Variants in NPVF observed in about 807,000 individuals in gnomAD.
NPVF encodes neuropeptide VF precursor, also known as pro-FMRFamide-related neuropeptide VF.
In NPVF, 17 loss-of-function variants were observed where a neutral mutation model predicts 15.7. That is an observed-to-expected ratio of 1.08 (90% confidence interval 0.74 to 1.62). The LOEUF (loss-of-function observed/expected upper bound fraction) is 1.62, where lower values mean the gene tolerates loss of function less well. Ranked by LOEUF, NPVF falls within the 40% of genes most tolerant of loss-of-function variation. The probability of loss-of-function intolerance (pLI) is 0.00; values close to 1 mark genes in which losing one functional copy is unlikely to be tolerated. For synonymous variants in NPVF, 70 were observed against 80.1 expected, an observed-to-expected ratio of 0.87 and a Z score of 0.67; for missense variants, 270 against 225.2, an observed-to-expected ratio of 1.20 and a Z score of -1.27.
intron 2 of NPVF, among the ~76,000 whole-genome samples, 170 bp from the exon 3 acceptor site, chr7:25,225,343 G>A (rs2115497003): frequency 6.6e-6 from 1 of 152,276 alleles, no homozygotes; most frequent in Non-Finnish European, 1.5e-5. Flanking sequence ...TGGGCACTCA[G>A]TCCCAAACAC....
rs771514914 is a variant in NPVF, at chr7:25,226,849, C to G, written c.316G>C (p.Ala106Pro). ...CTTCCAGATCTCAGAGGCAGGTTGG[C>G]TGTTGCTCCAGCACTTCTTTCTTCT... ...VQEERSAGAT[A>P]NLPLRSGRNM... Residue 106 changes from alanine to proline, a missense_variant, in exon 2 of 3, where the codon GCC becomes CCC. Ala to Pro is a conservative substitution (Grantham distance 27). Transcript: ENST00000222674. The G allele has an allele frequency of 1.2e-6, 2 of 1,614,216 alleles. No individual in the cohort carries two copies. Among genetic ancestry groups the G allele is most frequent in the Non-Finnish European group, 1.7e-6 (2 of 1,180,038 alleles).
In NPVF at chr7:25,224,821, A is replaced by C; in HGVS notation, c.*301T>G. 3.3e-6 allele frequency: 1 copy of C among 301,572 alleles called. No homozygotes were observed. Among genetic ancestry groups the C allele is most frequent in the Non-Finnish European group, 6.0e-6 (1 of 166,762 alleles). The allele number at this position is 301,572 out of a possible 1,614,324, so 18.7% of individuals were successfully genotyped here. ...TTTTTTTATTAAGTGTAACTGTGCC[A>C]ATGATTTTTATATAGGGTAGTGAGG... On this transcript the variant is annotated 3_prime_UTR_variant, in exon 3 of 3. Coordinates refer to ENST00000222674, the MANE Select transcript of NPVF (RefSeq NM_022150.3).
intron 1 of NPVF, 37 bp downstream of exon 1, chr7:25,228,265 T>C (rs780779624): frequency 1.6e-6 from 2 of 1,275,696 alleles, no homozygotes; most frequent in Non-Finnish European, 2.3e-6. Context: ...ATTATGTAAT[T>C]AATGCTACTC....
At chr7:25,226,068 A>T (rs1783124332) in intron 2 of NPVF, among the ~76,000 whole-genome samples, 1 of 152,216 alleles carries the variant, frequency 6.6e-6, no homozygotes, top group South Asian at 2.1e-4. Flanking sequence ...GCTCTCTACT[A>T]TAAAAGAACA....
intron 2 of NPVF, among the ~76,000 whole-genome samples, chr7:25,225,535 C>G (rs1227486999): frequency 6.6e-6 from 1 of 152,234 alleles, no homozygotes; most frequent in Admixed American, 6.5e-5. Flanking sequence ...TCTGCTCTTA[C>G]TCTAACGGTC....
At chr7:25,226,468 A>G (rs528365440) in intron 2 of NPVF, among the ~76,000 whole-genome samples, 158 bp downstream of exon 2, 2 of 152,274 alleles carry the variant, frequency 1.3e-5, no homozygotes, top group East Asian at 3.9e-4. Flanking sequence ...ATAGTTCCCA[A>G]TTTACAGGTA....
intron 2 of NPVF, 44 bp from the exon 3 acceptor site, chr7:25,225,217 C>T: frequency 2.0e-6 from 3 of 1,486,830 alleles, no homozygotes; most frequent in Non-Finnish European, 1.9e-6. Context: ...ATCAGAACAA[C>T]AGCATGCAAG....
chr7:25,225,316 G>T, intron 2 of NPVF, 143 bp from the exon 3 acceptor site: 2 of 657,250 alleles, frequency 3.0e-6, no homozygotes, highest in Non-Finnish European at 2.6e-6. Context: ...GATATTGGGG[G>T]GATGCTGAAT....
In NPVF at chr7:25,226,802, C is replaced by T. The variant is rs1783136123; in HGVS notation, c.363G>A (p.Val121=). Residue 121 remains valine (V), a synonymous_variant, in exon 2 of 3, where the codon GTG becomes GTA. Transcript: ENST00000222674. ...TTTGGGGCAGGTTAGGAACACGTCT[C>T]ACGAGGCTCACCTCCATATTTCTTC... ...RSGRNMEVSL[V]RRVPNLPQRF... 6.2e-7 allele frequency: 1 copy of T among 1,614,028 alleles called. No individual in the cohort carries two copies. Among genetic ancestry groups the T allele is most frequent in the South Asian group, 1.1e-5 (1 of 91,082 alleles).
chr7:25,228,027 C>T (rs1323921957), intron 1 of NPVF, among the ~76,000 whole-genome samples: 3 of 152,184 alleles, frequency 2.0e-5, no homozygotes, highest in African/African-American at 7.2e-5. Context: ...CCATTTATTA[C>T]AAATATGCAC....
At chr7:25,226,557 C>A in intron 2 of NPVF, 69 bp downstream of exon 2, 2 of 1,506,876 alleles carry the variant, frequency 1.3e-6, no homozygotes, top group African/African-American at 1.4e-5. Context: ...AAGATGTAGT[C>A]ATTTTTAAAG....
chr7:25,226,429 T>C (rs1783129706), intron 2 of NPVF, among the ~76,000 whole-genome samples, 197 bp downstream of exon 2: 1 of 152,358 alleles, frequency 6.6e-6, no homozygotes, highest in South Asian at 2.1e-4. Context: ...TTTTATACCT[T>C]GAGCCATGCT....
chr7:25,226,573 A>G (rs1783131421), intron 2 of NPVF, 53 bp downstream of exon 2: 5 of 1,556,026 alleles, frequency 3.2e-6, no homozygotes, highest in Non-Finnish European at 3.5e-6. Context: ...TAAAGTTTCT[A>G]GACCACCTCT....
rs374010382 is a variant in NPVF at position 25,228,448 on chromosome 7, A to G, written c.-9T>C. On this transcript the variant is annotated 5_prime_UTR_variant, in exon 1 of 3. Transcript: ENST00000222674. The stretch of plus-strand genomic sequence containing the variant: ...GATGAAATAATTTCCATTTTGTCTA[A>G]ATCTAAAATTAAGTCTCTATGTGCA... The G allele has an allele frequency of 2.3e-5, 37 of 1,577,688 alleles. No homozygotes were observed. Among genetic ancestry groups the G allele is most frequent in the Non-Finnish European group, 9.5e-6 (11 of 1,153,160 alleles).
rs377193023 is a variant in NPVF at position 25,226,244 on chromosome 7, G to T, written c.539+382C>A. Among the ~76,000 whole-genome samples the T allele has an allele frequency of 8.5e-5, 13 of 152,296 alleles. No homozygotes were observed. The South Asian group carries it at 1.7e-3, about 19-fold the overall frequency. ...AGGAAAGAAAACCTGCTGCATTTGA[G>T]ACCTAGATTATTGAGATGGGGTCCT... On this transcript the variant is annotated intron_variant, in intron 2 of 2. Transcript: ENST00000222674.
At chr7:25,227,139 CAA>C (rs1783141159) in intron 1 of NPVF, 113 bp from the exon 2 acceptor site, 1 of 995,128 alleles carries the variant, frequency 1.0e-6, no homozygotes, top group Non-Finnish European at 1.5e-6. Flanking sequence ...AAGCTATAAA[CAA>C]AGTTTGTGTT....
In NPVF at chr7:25,226,957, C is replaced by A; in HGVS notation, c.208G>T (p.Val70Phe). Residue 70 changes from valine (V) to phenylalanine (F), a missense_variant, in exon 2 of 3, where the codon GTT becomes TTT. By Grantham distance (50) the Val-to-Phe change is conservative. Coordinates refer to ENST00000222674, the MANE Select transcript of NPVF (RefSeq NM_022150.3). ...ACTGCAGGTGTACTCATCTTAATAA[C>A]ATTTTTTGGTCCCCAATCTTTTAAT... Reference protein sequence around the residue: ...EELKDWGPKNVIKMSTPAVNK... With the variant: ...EELKDWGPKNFIKMSTPAVNK... 6.2e-7 allele frequency: 1 copy of A among 1,610,452 alleles called. No individual in the cohort carries two copies. The highest frequency in any genetic ancestry group is 1.1e-5 in the South Asian group (1 of 90,632).
chr7:25,226,147 A>T (rs1783125338), intron 2 of NPVF, among the ~76,000 whole-genome samples: 1 of 152,230 alleles, frequency 6.6e-6, no homozygotes, highest in Non-Finnish European at 1.5e-5. Flanking sequence ...CATATTTCTT[A>T]ATATAAATAA....
At position 25,228,191 on chromosome 7, in the gene NPVF, A is replaced by G. The variant is rs138659241; in HGVS notation, c.138+111T>C. The G allele has an allele frequency of 2.5e-4, 195 of 787,800 alleles. No individual in the cohort carries two copies. The East Asian group carries it at 4.8e-3, about 19-fold the overall frequency. 48.8% of individuals were successfully genotyped at this position (787,800 alleles called of 1,614,324 possible). On this transcript the variant is annotated intron_variant, in intron 1 of 2. Transcript: ENST00000222674. ...GTCAGAGGAAGGCTGAAATTTCACA[A>G]AAAAACAGAGTACACACCAACTTAC...
Sources: allele counts gnomAD v4.1 joint callset (sites outside exome capture counted in the v4.1 genomes callset), GRCh38; gene constraint gnomAD v4.1.1; transcripts MANE v1.5; gene names NCBI Gene and HGNC (gene_info 2026-07-23, HGNC 2026-07-21).